Variants in PUDP observed in about 807,000 individuals in gnomAD.
The protein encoded by PUDP is pseudouridine 5'-phosphatase, also known as pseudouridine-5'-phosphatase.
Under a neutral mutation model 9.4 loss-of-function variants are expected in PUDP, and 8 were observed. That is an observed-to-expected ratio of 0.85 (90% CI 0.50 to 1.53). The LOEUF is 1.53. PUDP is among the 40% of genes most tolerant of loss of function. The pLI, the probability that PUDP is intolerant of heterozygous loss-of-function variation, is 0.00. For missense variants in PUDP, 188 were observed against 189.7 expected (o/e 0.99, Z 0.05); for synonymous variants, 99 against 80.7 (o/e 1.23, Z -1.22).
rs895804850 is a variant in PUDP, at chrX:6,751,442, C to G, written c.*248-44976G>C. ...GGGACATTTTGGCACTAAGTTCTCA[C>G]AATTGCCTCTTCCATTTCTATGTTC... On this transcript the variant is annotated intron_variant and NMD_transcript_variant, in intron 3 of 3. Transcript: ENST00000655425. 5.4e-5 allele frequency among the ~76,000 whole-genome samples: 6 copies of G among 111,629 alleles called. No homozygotes were observed. The East Asian group carries it at 1.4e-3, about 26-fold the overall frequency.
At chrX:6,861,560 A>G (rs754910963) in intron 3 of PUDP, among the ~76,000 whole-genome samples, 1 of 112,290 alleles carries the variant, frequency 8.9e-6, no homozygotes, top group African/African-American at 3.2e-5. Flanking sequence ...AATTTGAGAA[A>G]ATGTGACAGT....
chrX:7,041,846 C>T (rs1321202130), intron 1 of PUDP, among the ~76,000 whole-genome samples: 3 of 92,416 alleles, frequency 3.2e-5, no homozygotes, highest in Non-Finnish European at 6.3e-5. Flanking sequence ...TCAGCTTCTA[C>T]TTCCCAGTCT....
chrX:7,127,697 C>A (rs1932519182), intron 1 of PUDP, among the ~76,000 whole-genome samples: 1 of 112,196 alleles, frequency 8.9e-6, no homozygotes, highest in African/African-American at 3.2e-5. Flanking sequence ...ATTACTTGTA[C>A]TTTTTAATTG....
At chrX:6,751,120 T>A (rs183809511) in intron 3 of PUDP, among the ~76,000 whole-genome samples, 2 of 105,388 alleles carry the variant, frequency 1.9e-5, no homozygotes, top group Non-Finnish European at 3.9e-5. Context: ...CCAGCCTGGG[T>A]GACAGAGTGA....
rs1481813677 is a variant in PUDP, at chrX:6,979,709, G to T, written c.205-1366C>A. Among the ~76,000 whole-genome samples the T allele has an allele frequency of 2.7e-5, 3 of 111,560 alleles. No homozygotes were observed. In the Admixed American group the frequency reaches 2.9e-4, roughly 11 times the overall value. On this transcript the variant is annotated intron_variant and NMD_transcript_variant, in intron 1 of 3. Coordinates refer to the PUDP transcript ENST00000655425. Reference sequence around the variant, plus strand: ...TGCTGATAGGCGAGGACTAAGCAAAGCTTGGCTTCCAGTGCTTTTTTTTAA... The same window carrying T: ...TGCTGATAGGCGAGGACTAAGCAAATCTTGGCTTCCAGTGCTTTTTTTTAA...
At chrX:6,722,215 G>T (rs766473642), upstream of PUDP, among the ~76,000 whole-genome samples, 3 of 111,278 alleles carry the variant, frequency 2.7e-5, no homozygotes, top group Admixed American at 1.9e-4. Context: ...GGAGGCCAAG[G>T]CGGGTGGACC....
chrX:6,797,144 A>T (rs1184859958), intron 3 of PUDP, among the ~76,000 whole-genome samples: 4 of 112,411 alleles, frequency 3.6e-5, no homozygotes, highest in Admixed American at 1.9e-4. Flanking sequence ...TGATCACCGT[A>T]GAACATTGAA....
chrX:6,968,918 C>T (rs1174015334), intron 3 of PUDP, among the ~76,000 whole-genome samples: 6 of 112,162 alleles, frequency 5.3e-5, no homozygotes, highest in South Asian at 3.7e-4. Flanking sequence ...CCGCACCTGG[C>T]CCTTCTTCAT....
intron 1 of PUDP, among the ~76,000 whole-genome samples, chrX:7,124,573 C>T (rs1932429464): frequency 9.0e-6 from 1 of 110,665 alleles, no homozygotes; most frequent in South Asian, 3.9e-4. Context: ...CCGATTTTAC[C>T]AAGAGATTGG....
intron 1 of PUDP, among the ~76,000 whole-genome samples, chrX:7,009,350 A>T (rs930564855): frequency 1.8e-5 from 2 of 112,202 alleles, no homozygotes; most frequent in South Asian, 3.7e-4. Context: ...GGGTAGGCAG[A>T]TACTTCGGAG....
chrX:6,740,555 A>T (rs771069051), intron 3 of PUDP, among the ~76,000 whole-genome samples: 20 of 111,551 alleles, frequency 1.8e-4, no homozygotes, highest in Non-Finnish European at 3.4e-4. Flanking sequence ...AATTTAAAGA[A>T]TCTGTTTTTG....
intron 3 of PUDP, among the ~76,000 whole-genome samples, chrX:6,789,724 TAGA>T (rs201869661): frequency 0.059 from 6,502 of 110,187 alleles, 210 homozygotes; most frequent in Non-Finnish European, 0.092. Flanking sequence ...AGAGGTGGGG[TAGA>T]AGTTTTGTTT....
rs192261481 is a variant in PUDP, at chrX:6,740,923, C to T, written c.*248-34457G>A. ...CCTGTAATCCCAGCAGTTTGGGAGG[C>T]TGAGGTGGGCAGATCACCTGACGTC... On this transcript the variant is annotated intron_variant and NMD_transcript_variant, in intron 3 of 3. Coordinates refer to the PUDP transcript ENST00000655425. Among the ~76,000 whole-genome samples, 5 of 111,887 alleles carry T rather than the reference C, an allele frequency of 4.5e-5. No homozygotes were observed. In the East Asian group the frequency reaches 1.1e-3, roughly 25 times the overall value.
chrX:7,034,852 C>T (rs1929834531), intron 1 of PUDP, among the ~76,000 whole-genome samples: 1 of 91,773 alleles, frequency 1.1e-5, no homozygotes, highest in Non-Finnish European at 2.1e-5. Flanking sequence ...CTCATGAAAA[C>T]CTGAAACATC....
chrX:6,805,192 C>T (rs993722169), intron 3 of PUDP, among the ~76,000 whole-genome samples: 5 of 111,376 alleles, frequency 4.5e-5, no homozygotes, highest in Non-Finnish European at 9.4e-5. Flanking sequence ...ATGGCTTGAG[C>T]CTGGGAGGTC....
At chrX:6,956,195 G>A (rs769923014) in intron 3 of PUDP, among the ~76,000 whole-genome samples, 18 of 110,258 alleles carry the variant, frequency 1.6e-4, no homozygotes, top group East Asian at 8.5e-4. Flanking sequence ...GACTACAGGC[G>A]CATGCCACCA....
chrX:6,983,162 T>C (rs1055386881), intron 1 of PUDP, among the ~76,000 whole-genome samples: 3 of 111,921 alleles, frequency 2.7e-5, no homozygotes, highest in African/African-American at 9.8e-5. Context: ...GGAATTACCA[T>C]AGAGAAAGAG....
intron 3 of PUDP, among the ~76,000 whole-genome samples, chrX:6,729,755 T>C (rs780176089): frequency 9.0e-6 from 1 of 111,524 alleles, no homozygotes; most frequent in Admixed American, 9.5e-5. Context: ...CAGTACCAGC[T>C]CACATTCCTT....
chrX:6,812,459 T>C (rs909578320), intron 3 of PUDP, among the ~76,000 whole-genome samples: 1 of 112,212 alleles, frequency 8.9e-6, no homozygotes, highest in African/African-American at 3.2e-5. Flanking sequence ...CCTGTTACTA[T>C]GGTTCTCAGG....
Sources: gnomAD v4.1 joint callset for allele counts (sites outside exome capture counted in the v4.1 genomes callset) on GRCh38, gnomAD v4.1.1 for gene constraint, MANE v1.5 for transcripts, NCBI Gene and HGNC (gene_info 2026-07-23, HGNC 2026-07-21) for gene names.